ZNF580: variants seen among roughly 807,000 people sequenced by gnomAD.
ZNF580 encodes zinc finger protein 580, also known as LDL-induced EC protein.
Under a neutral mutation model 1.3 loss-of-function variants are expected in ZNF580, and 1 was observed. That is an observed-to-expected ratio of 0.77 (90% CI 0.27 to 3.65). The LOEUF (loss-of-function observed/expected upper bound fraction) is 3.65, where lower values mean the gene tolerates loss of function less well. Ranked by LOEUF, ZNF580 falls within the 30% of genes most tolerant of loss-of-function variation. The pLI is 0.19. For missense variants in ZNF580, 268 were observed against 272.3 expected (o/e 0.98, Z 0.11); for synonymous variants, 135 against 128.8 (o/e 1.05, Z -0.32).
In ZNF580 at chr19:55,642,575, C is replaced by G; in HGVS notation, c.67C>G (p.Pro23Ala). ...CTCTCCGGAGGCCATGGACCCACCGCCCCCCAAGGCTCCCCCTTTCCCCAA... is the reference window on the plus strand; with the variant it reads ...CTCTCCGGAGGCCATGGACCCACCGGCCCCCAAGGCTCCCCCTTTCCCCAA... The part of the protein sequence containing the change: ...SSSPEAMDPP[P>A]PKAPPFPKAE... The change falls in exon 2 of 2, where the codon CCC (proline) becomes GCC (alanine). Residue 23 changes from proline (P) to alanine (A), a missense_variant. By Grantham distance (27) the Pro-to-Ala change is conservative. Coordinates refer to ENST00000325333, the MANE Select transcript of ZNF580 (RefSeq NM_207115.2). 1 of 1,446,982 alleles carries G rather than the reference C, an allele frequency of 6.9e-7. No individual in the cohort carries two copies. Among genetic ancestry groups the G allele is most frequent in the Non-Finnish European group, 9.1e-7 (1 of 1,099,980 alleles). The allele number at this position is 1,446,982 out of a possible 1,614,324, so 89.6% of individuals were successfully genotyped here. A position where few individuals can be genotyped will look rare whatever the true frequency, so the allele number is the denominator to read the frequency against.
rs960094302 is a variant in ZNF580, at chr19:55,641,035, C to A, written c.-161C>A. 7.1e-6 allele frequency: 7 copies of A among 985,202 alleles called. No homozygotes were observed. The African/African-American group carries it at 8.7e-5, about 12-fold the overall frequency. 61.0% of individuals were successfully genotyped at this position (985,202 alleles called of 1,614,324 possible). On this transcript the variant is annotated 5_prime_UTR_variant, in exon 1 of 2. Coordinates refer to ENST00000325333, the MANE Select transcript of ZNF580 (RefSeq NM_207115.2). ...CCAGGGACTCCGCCAACCCCTCGCACCCCCGCGCCCCCAGTCCCCGCGTCC... is the reference window on the plus strand; with the variant it reads ...CCAGGGACTCCGCCAACCCCTCGCAACCCCGCGCCCCCAGTCCCCGCGTCC...
chr19:55,643,364 C>G lies in ZNF580; in HGVS notation c.*337C>G. On this transcript the variant is annotated 3_prime_UTR_variant, in exon 2 of 2. Transcript: ENST00000325333. ...GGAGCGGTGAACCGGTGGTTGTCTG[C>G]GGGGAAGAGATGATAAAGAGCACGG... 3.3e-6 allele frequency: 1 copy of G among 300,122 alleles called. No individual in the cohort carries two copies. The highest frequency in any genetic ancestry group is 5.9e-5 in the East Asian group (1 of 16,958). The allele number at this position is 300,122 out of a possible 1,614,324, so 18.6% of individuals were successfully genotyped here. A position where few individuals can be genotyped will look rare whatever the true frequency, so the allele number is the denominator to read the frequency against.
In ZNF580 at chr19:55,642,765, C is replaced by T; in HGVS notation, c.257C>T (p.Pro86Leu). ...CAGCGCGAGGCGCCCCCAGGAGAGCCCGGCCCTCGCAAGGGCTACAGCTGC... is the reference window on the plus strand; with the variant it reads ...CAGCGCGAGGCGCCCCCAGGAGAGCTCGGCCCTCGCAAGGGCTACAGCTGC... ...PPQREAPPGE[P>L]GPRKGYSCPE... Residue 86 changes from proline (P) to leucine (L), a missense_variant, in exon 2 of 2, where the codon CCC becomes CTC. Physicochemically the swap from Pro to Leu is moderately conservative, Grantham distance 98. This residue lies in a region of ZNF580 where 225 missense variants were observed against 201.7 expected (regional missense o/e 1.12). Coordinates refer to ENST00000325333, the MANE Select transcript of ZNF580 (RefSeq NM_207115.2). The T allele has an allele frequency of 6.5e-7, 1 of 1,544,762 alleles. No individual in the cohort carries two copies. Among genetic ancestry groups the T allele is most frequent in the Non-Finnish European group, 8.7e-7 (1 of 1,151,164 alleles).
chr19:55,643,339 G>A lies in ZNF580; in HGVS notation c.*312G>A, dbSNP rs1416944365. On this transcript the variant is annotated 3_prime_UTR_variant, in exon 2 of 2. Transcript: ENST00000325333. Reference sequence around the variant, plus strand: ...TCTAAACCTTGGTTTTCTGCTCTCTGGAGCGGTGAACCGGTGGTTGTCTGC... The same window carrying A: ...TCTAAACCTTGGTTTTCTGCTCTCTAGAGCGGTGAACCGGTGGTTGTCTGC... The A allele has an allele frequency of 5.6e-6, 2 of 354,284 alleles. No homozygotes were observed. The highest frequency in any genetic ancestry group is 1.1e-5 in the Non-Finnish European group (2 of 188,768). 21.9% of individuals were successfully genotyped at this position (354,284 alleles called of 1,614,324 possible). A position where few individuals can be genotyped will look rare whatever the true frequency, so the allele number is the denominator to read the frequency against.
In ZNF580 at chr19:55,643,126, AGGTT is replaced by A; in HGVS notation, c.*100_*103del. 7.7e-7 allele frequency: 1 copy of A among 1,295,572 alleles called. No homozygotes were observed. Among genetic ancestry groups the A allele is most frequent in the Non-Finnish European group, 9.8e-7 (1 of 1,017,096 alleles). The allele number at this position is 1,295,572 out of a possible 1,614,324, so 80.3% of individuals were successfully genotyped here. On this transcript the variant is annotated 3_prime_UTR_variant, in exon 2 of 2. Transcript: ENST00000325333. Reference sequence around the variant, plus strand: ...CCACACACACCCCCTGGCTCTGCTGAGGTTACTGCCTTACCCTGGGCCTCAGTTT... The same window carrying A: ...CCACACACACCCCCTGGCTCTGCTGAACTGCCTTACCCTGGGCCTCAGTTT...
chr19:55,642,737 C>T lies in ZNF580; in HGVS notation c.229C>T (p.Pro77Ser), dbSNP rs1268161574. 3 of 1,518,656 alleles carry T rather than the reference C, an allele frequency of 2.0e-6. No homozygotes were observed. The highest frequency in any genetic ancestry group is 2.6e-6 in the Non-Finnish European group (3 of 1,136,226). 94.1% of individuals were successfully genotyped at this position (1,518,656 alleles called of 1,614,324 possible). ...VQLEEEPRGP[P>S]QREAPPGEPG... is the part of the protein sequence containing the mutation. The stretch of plus-strand genomic sequence containing the variant: ...GCTGGAGGAGGAGCCCCGGGGCCCG[C>T]CCCAGCGCGAGGCGCCCCCAGGAGA... The change falls in exon 2 of 2, where the codon CCC (proline) becomes TCC (serine). Residue 77 changes from proline (P) to serine (S), a missense_variant. Coordinates refer to ENST00000325333, the MANE Select transcript of ZNF580 (RefSeq NM_207115.2).
In ZNF580 at chr19:55,642,519, T is replaced by TGCC. The variant is rs753279055; in HGVS notation, c.17_19dup (p.Pro6dup). On this transcript the variant is annotated inframe_insertion, in exon 2 of 2. Coordinates refer to ENST00000325333, the MANE Select transcript of ZNF580 (RefSeq NM_207115.2). The stretch of plus-strand genomic sequence containing the variant: ...CAGCTGCCGCTCCAGATGCTGCTGC[T>TGCC]GCCGCCGCGGCCACCCCACCCTCGG... 6.9e-6 allele frequency: 10 copies of TGCC among 1,440,444 alleles called. No individual in the cohort carries two copies. In the East Asian group the frequency reaches 2.2e-4, roughly 31 times the overall value. The allele number at this position is 1,440,444 out of a possible 1,614,324, so 89.2% of individuals were successfully genotyped here.
At position 55,642,480 on chromosome 19, in the gene ZNF580, C is replaced by T. The variant is rs1045256465; in HGVS notation, c.-12-17C>T. ...GGAAGTGGCAATTTTAACTAATCTCCCCTCCGCCGCTCCCAGCTGCCGCTC... is the reference window on the plus strand; with the variant it reads ...GGAAGTGGCAATTTTAACTAATCTCTCCTCCGCCGCTCCCAGCTGCCGCTC... On this transcript the variant is annotated splice_polypyrimidine_tract_variant and intron_variant, in intron 1 of 1. Transcript: ENST00000325333. The T allele has an allele frequency of 1.4e-6, 2 of 1,421,384 alleles. No individual in the cohort carries two copies. The allele number at this position is 1,421,384 out of a possible 1,614,324, so 88.0% of individuals were successfully genotyped here. A position where few individuals can be genotyped will look rare whatever the true frequency, so the allele number is the denominator to read the frequency against.
chr19:55,643,304 A>G lies in ZNF580; in HGVS notation c.*277A>G. 1 of 413,140 alleles carries G rather than the reference A, an allele frequency of 2.4e-6. No individual in the cohort carries two copies. Among genetic ancestry groups the G allele is most frequent in the Non-Finnish European group, 4.3e-6 (1 of 231,540 alleles). 25.6% of individuals were successfully genotyped at this position (413,140 alleles called of 1,614,324 possible). Reference sequence around the variant, plus strand: ...TGTGCTGTGTGAGCCTGTGCAAGTGACATGACCTCTCTAAACCTTGGTTTT... The same window carrying G: ...TGTGCTGTGTGAGCCTGTGCAAGTGGCATGACCTCTCTAAACCTTGGTTTT... On this transcript the variant is annotated 3_prime_UTR_variant, in exon 2 of 2. Transcript: ENST00000325333.
Position 55,643,277 on chromosome 19 carries a change from G to A in ZNF580, c.*250G>A, listed in dbSNP as rs1250578731. The A allele has an allele frequency of 2.1e-6, 1 of 482,378 alleles. No individual in the cohort carries two copies. Among genetic ancestry groups the A allele is most frequent in the African/African-American group, 2.0e-5 (1 of 49,524 alleles). The allele number at this position is 482,378 out of a possible 1,614,324, so 29.9% of individuals were successfully genotyped here. A position where few individuals can be genotyped will look rare whatever the true frequency, so the allele number is the denominator to read the frequency against. On this transcript the variant is annotated 3_prime_UTR_variant, in exon 2 of 2. Coordinates refer to ENST00000325333, the MANE Select transcript of ZNF580 (RefSeq NM_207115.2). Reference sequence around the variant, plus strand: ...CCAGTCGGAACTGGGTTCCAGTCCAGCTGTGCTGTGTGAGCCTGTGCAAGT... The same window carrying A: ...CCAGTCGGAACTGGGTTCCAGTCCAACTGTGCTGTGTGAGCCTGTGCAAGT...
Position 55,641,573 on chromosome 19 carries a change from T to TG in ZNF580, c.-13+393dup, listed in dbSNP as rs1982482445. ...GACGTACACAGAAAGGAGGGGAAAG[T>TG]GGGCTTGGGAGAGGTGCTGTGGGAA... On this transcript the variant is annotated intron_variant, in intron 1 of 1. Transcript: ENST00000325333. Among the ~76,000 whole-genome samples, 3 of 151,740 alleles carry TG rather than the reference T, an allele frequency of 2.0e-5. No individual in the cohort carries two copies. In the South Asian group the frequency reaches 6.2e-4, roughly 31 times the overall value.
At chr19:55,642,023 G>C (rs530071118) in intron 1 of ZNF580, 2 of 985,042 alleles carry the variant, frequency 2.0e-6, no homozygotes, top group African/African-American at 1.8e-5. Context: ...GGGCCGGTGG[G>C]GGGGTAGGGG....
chr19:55,642,670 C>T lies in ZNF580; in HGVS notation c.162C>T (p.Leu54=), dbSNP rs751747458. 9 of 1,434,644 alleles carry T rather than the reference C, an allele frequency of 6.3e-6. No individual in the cohort carries two copies. The South Asian group carries it at 1.2e-4, about 18-fold the overall frequency. 88.9% of individuals were successfully genotyped at this position (1,434,644 alleles called of 1,614,324 possible). Residue 54 remains leucine, a synonymous_variant, in exon 2 of 2, where the codon CTC becomes CTT. Coordinates refer to ENST00000325333, the MANE Select transcript of ZNF580 (RefSeq NM_207115.2). ...GPRPPRLGRH[L]LIDANGVPYT... is the part of the protein sequence containing the mutation. ...GACCCCCGCGGCTGGGCCGCCACCT[C>T]CTCATCGACGCCAATGGGGTCCCCT... is the stretch of plus-strand genomic sequence containing the variant.
At position 55,642,883 on chromosome 19, in the gene ZNF580, C is replaced by T. The variant is rs1982612722; in HGVS notation, c.375C>T (p.Cys125=). 6.4e-7 allele frequency: 1 copy of T among 1,563,576 alleles called. No homozygotes were observed. The stretch of plus-strand genomic sequence containing the variant: ...TCAAGCCCTTCACGTGCGGCGCCTG[C>T]GGCAAGGCCTTCAAGCGCTCCAGCC... ...SDLKPFTCGA[C]GKAFKRSSHL... Residue 125 remains cysteine (C), a synonymous_variant, in exon 2 of 2, where the codon TGC becomes TGT. Transcript: ENST00000325333.
chr19:55,641,562 G>A (rs753643803), intron 1 of ZNF580, among the ~76,000 whole-genome samples: 2 of 152,192 alleles, frequency 1.3e-5, no homozygotes, highest in Non-Finnish European at 1.5e-5. Flanking sequence ...TACACAGAAA[G>A]GAGGGGAAAG....
At position 55,641,065 on chromosome 19, in the gene ZNF580, C is replaced by A. The variant is rs1224090696; in HGVS notation, c.-131C>A. ...GCGCCCCCAGTCCCCGCGTCCCCGG[C>A]GCCGCCGGCCCGGAGCTGCCCGGAA... On this transcript the variant is annotated 5_prime_UTR_variant, in exon 1 of 2. Coordinates refer to ENST00000325333, the MANE Select transcript of ZNF580 (RefSeq NM_207115.2). The A allele has an allele frequency of 1.7e-5, 17 of 985,114 alleles. No homozygotes were observed. The highest frequency in any genetic ancestry group is 2.0e-5 in the Non-Finnish European group (17 of 829,816). 61.0% of individuals were successfully genotyped at this position (985,114 alleles called of 1,614,324 possible).
At position 55,642,766 on chromosome 19, in the gene ZNF580, C is replaced by T. The variant is rs1600047176; in HGVS notation, c.258C>T (p.Pro86=). Residue 86 remains proline (P), a synonymous_variant, in exon 2 of 2, where the codon CCC becomes CCT. Transcript: ENST00000325333. ...PPQREAPPGE[P]GPRKGYSCPE... is the part of the protein sequence containing the mutation. ...AGCGCGAGGCGCCCCCAGGAGAGCC[C>T]GGCCCTCGCAAGGGCTACAGCTGCC... The T allele has an allele frequency of 1.9e-6, 3 of 1,544,592 alleles. No homozygotes were observed. Among genetic ancestry groups the T allele is most frequent in the Middle Eastern group, 2.1e-4 (1 of 4,742 alleles).
intron 1 of ZNF580, chr19:55,642,070 G>A: frequency 2.0e-6 from 2 of 988,510 alleles, no homozygotes; most frequent in South Asian, 4.7e-5. Flanking sequence ...AACTGGGGCT[G>A]GGCAACAGGA....
intron 1 of ZNF580, chr19:55,641,982 G>A: frequency 1.1e-6 from 1 of 949,090 alleles, no homozygotes; most frequent in Non-Finnish European, 1.3e-6. Context: ...GCGGCATGTA[G>A]TGGGGACGGA....
Sources: allele counts gnomAD v4.1 joint callset (sites outside exome capture counted in the v4.1 genomes callset), GRCh38; gene constraint gnomAD v4.1.1; regional missense constraint gnomAD v4.1.1; transcripts MANE v1.5; gene names NCBI Gene and HGNC (gene_info 2026-07-23, HGNC 2026-07-21).